The following SVEP1 variants were observed in gnomAD, a reference collection of about 807,000 sequenced individuals.
SVEP1 encodes sushi, von Willebrand factor type A, EGF and pentraxin domain containing 1.
A neutral mutation model predicts 367.3 loss-of-function variants in SVEP1; 164 were observed. The ratio of observed to expected loss-of-function variants is 0.45; its 90% CI spans 0.39 to 0.51. SVEP1 has a LOEUF of 0.51. SVEP1 is among the 20% of genes least tolerant of loss of function. The pLI is 0.00. For synonymous variants in SVEP1, 1,666 were observed against 1,611.6 expected, an observed-to-expected ratio of 1.03 and a Z score of -0.81; for missense variants, 4,117 against 4,425.3, an observed-to-expected ratio of 0.93 and a Z score of 1.98.
intron 44 of SVEP1, 123 bp downstream of exon 44, chr9:110,379,223 TA>T: frequency 1.8e-6 from 2 of 1,099,106 alleles, no homozygotes; most frequent in Non-Finnish European, 2.5e-6. Context: ...ACACAGCTGC[TA>T]AAAGAAATTT....
At chr9:110,439,520 A>G (rs1828480360) in intron 27 of SVEP1, among the ~76,000 whole-genome samples, 1 of 151,674 alleles carries the variant, frequency 6.6e-6, no homozygotes, top group Non-Finnish European at 1.5e-5. Flanking sequence ...CAGCCTCCCG[A>G]GTAGCTGGGA....
rs191023109 is a variant in SVEP1 at position 110,406,145 on chromosome 9, G to C, written c.9440+15C>G. On this transcript the variant is annotated intron_variant, in intron 38 of 47. Coordinates refer to ENST00000374469, the MANE Select transcript of SVEP1 (RefSeq NM_153366.4). ...CTGCCCGCACCCCTTGGAGACCCTA[G>C]AGCCATGATCTTACCTGAGTTTCAC... The C allele has an allele frequency of 2.6e-6, 4 of 1,538,728 alleles. No individual in the cohort carries two copies. The highest frequency in any genetic ancestry group is 2.3e-5 in the East Asian group (1 of 44,336).
At chr9:110,402,590 T>TA (rs543553172) in intron 39 of SVEP1, among the ~76,000 whole-genome samples, 19 of 148,614 alleles carry the variant, frequency 1.3e-4, no homozygotes, top group East Asian at 5.9e-4. Flanking sequence ...ATTATTGACT[T>TA]AAAAAAAAAA....
At chr9:110,578,881 G>T in intron 1 of SVEP1, 132 bp downstream of exon 1, 1 of 1,011,742 alleles carries the variant, frequency 9.9e-7, no homozygotes, top group Non-Finnish European at 1.4e-6. Context: ...CTCTGGTTTT[G>T]TGGATGGGGA....
rs144484069 is a variant in SVEP1 at position 110,531,723 on chromosome 9, A to G, written c.964+14392T>C. On this transcript the variant is annotated intron_variant, in intron 3 of 47. Transcript: ENST00000374469. ...ATGGTAGAAATAGTTTGATTAATGG[A>G]TTTGTTAAATAGCTCGTTTAGTAAA... 8.5e-5 allele frequency among the ~76,000 whole-genome samples: 13 copies of G among 152,258 alleles called. No homozygotes were observed. In the East Asian group the frequency reaches 2.5e-3, roughly 29 times the overall value.
chr9:110,432,394 A>G, intron 31 of SVEP1, 68 bp downstream of exon 31: 5 of 1,523,496 alleles, frequency 3.3e-6, no homozygotes, highest in Non-Finnish European at 4.4e-6. Context: ...GAACCTCAGG[A>G]ATTTGGGATG....
At position 110,415,005 on chromosome 9, in the gene SVEP1, T is replaced by C. The variant is rs528916624; in HGVS notation, c.5976-3270A>G. 1.7e-3 allele frequency among the ~76,000 whole-genome samples: 262 copies of C among 152,090 alleles called. 5 individuals are homozygous for C. Among genetic ancestry groups the C allele is most frequent in the Middle Eastern group, 0.014 (4 of 294 alleles). ...CGTTTCTCACCAAGGAGTATAAACATGAGCATGAAAAGGAAAATGAGAAAC... is the reference window on the plus strand; with the variant it reads ...CGTTTCTCACCAAGGAGTATAAACACGAGCATGAAAAGGAAAATGAGAAAC... On this transcript the variant is annotated intron_variant, in intron 36 of 47. Transcript: ENST00000374469.
intron 47 of SVEP1, among the ~76,000 whole-genome samples, chr9:110,368,044 G>A (rs1293564480): frequency 6.6e-6 from 1 of 152,110 alleles, no homozygotes; most frequent in East Asian, 1.9e-4. Context: ...CACACTGCAT[G>A]CCAGCCTGGG....
At chr9:110,391,632 ACATCCT>A (rs1827657100) in intron 40 of SVEP1, among the ~76,000 whole-genome samples, 1 of 152,098 alleles carries the variant, frequency 6.6e-6, no homozygotes, top group Non-Finnish European at 1.5e-5. Flanking sequence ...ACTTTTGGAA[ACATCCT>A]GGTATTAACT....
intron 40 of SVEP1, among the ~76,000 whole-genome samples, chr9:110,391,743 A>C (rs1014503651): frequency 5.3e-5 from 8 of 152,154 alleles, no homozygotes; most frequent in African/African-American, 1.9e-4. Context: ...ATGTGCAGCA[A>C]CTTGAGTGGG....
At chr9:110,412,017 G>T (rs1828051854) in intron 36 of SVEP1, among the ~76,000 whole-genome samples, 2 of 152,114 alleles carry the variant, frequency 1.3e-5, no homozygotes, top group Non-Finnish European at 1.5e-5. Context: ...TTGATCAAAT[G>T]ACTTGCATTT....
chr9:110,467,637 T>C (rs1441310263), intron 17 of SVEP1, among the ~76,000 whole-genome samples: 2 of 62,676 alleles, frequency 3.2e-5, no homozygotes, highest in African/African-American at 2.6e-4. Context: ...TCTTTTTTAC[T>C]TTTTTTTTTT....
chr9:110,389,492 T>C (rs1827591521), intron 41 of SVEP1, 32 bp downstream of exon 41: 4 of 1,609,828 alleles, frequency 2.5e-6, no homozygotes, highest in Middle Eastern at 1.7e-4. Context: ...CTCAGTGTCA[T>C]TTTGGGGGCT....
rs759454725 is a variant in SVEP1 at position 110,408,173 on chromosome 9, G to A, written c.7427C>T (p.Thr2476Ile). The A allele has an allele frequency of 2.0e-5, 33 of 1,613,844 alleles. No homozygotes were observed. The highest frequency in any genetic ancestry group is 2.8e-5 in the Non-Finnish European group (33 of 1,179,898). Residue 2476 changes from threonine to isoleucine, a missense_variant, in exon 38 of 48, where the codon ACT (threonine) becomes ATT (isoleucine). Transcript: ENST00000374469. ...ACCATTTTCTCCACAAAGGGTGGTA[G>A]TATTTCCCACCAATTCAAAGCCTGG... ...CKPGFELVGN[T>I]TTLCGENGHW...
chr9:110,475,609 C>T (rs1829088369), intron 14 of SVEP1, among the ~76,000 whole-genome samples: 2 of 151,224 alleles, frequency 1.3e-5, no homozygotes, highest in African/African-American at 2.4e-5. Flanking sequence ...AATCATGGCT[C>T]ACTGCAGCCT....
At chr9:110,417,523 G>A (rs1828145754) in intron 36 of SVEP1, among the ~76,000 whole-genome samples, 1 of 5,248 alleles carries the variant, frequency 1.9e-4, no homozygotes, top group African/African-American at 8.3e-4. Flanking sequence ...CTGCAAGGCG[G>A]CAACGAGGCT....
At chr9:110,543,711 C>A (rs2118839148) in intron 3 of SVEP1, among the ~76,000 whole-genome samples, 1 of 152,260 alleles carries the variant, frequency 6.6e-6, no homozygotes. Flanking sequence ...CAGTCTAGGA[C>A]CACACGGAAA....
In SVEP1 at chr9:110,389,574, CGTTCCCT is replaced by C; in HGVS notation, c.9829_9835del (p.Arg3277ValfsTer84). Reference sequence around the variant, plus strand: ...CCACTGTCTGTTCTCCTGGCAGACACGTTCCCTGTTCCCCTGTGAAACAATGGAGAAA... The same window carrying C: ...CCACTGTCTGTTCTCCTGGCAGACACGTTCCCCTGTGAAACAATGGAGAAA... On this transcript the variant is annotated frameshift_variant, in exon 41 of 48. Transcript: ENST00000374469. LOFTEE classifies it high-confidence loss of function. 1.2e-6 allele frequency: 2 copies of C among 1,613,710 alleles called. No homozygotes were observed. The highest frequency in any genetic ancestry group is 1.7e-6 in the Non-Finnish European group (2 of 1,179,744).
At position 110,392,158 on chromosome 9, in the gene SVEP1, T is replaced by TTC. The variant is rs1827668490; in HGVS notation, c.9823-2573_9823-2572dup. Among the ~76,000 whole-genome samples, 3 of 148,532 alleles carry TTC rather than the reference T, an allele frequency of 2.0e-5. 1 individual carries two copies. Among genetic ancestry groups the TTC allele is most frequent in the Admixed American group, 1.3e-4 (2 of 14,818 alleles). On this transcript the variant is annotated intron_variant, in intron 40 of 47. Transcript: ENST00000374469. The stretch of plus-strand genomic sequence containing the variant: ...TTATATATATATATATATATATCTC[T>TTC]TCTCTCTCTCTCCTATTGGTTCTCT...
Sources: allele counts gnomAD v4.1 joint callset (sites outside exome capture counted in the v4.1 genomes callset), GRCh38; gene constraint gnomAD v4.1.1; transcripts MANE v1.5; gene names NCBI Gene and HGNC (gene_info 2026-07-23, HGNC 2026-07-21).